The following KIAA0825 variants were observed in gnomAD, a reference collection of about 807,000 sequenced individuals.
KIAA0825 encodes KIAA0825.
Under a neutral mutation model 147.6 loss-of-function variants are expected in KIAA0825, and 119 were observed. That is an observed-to-expected ratio of 0.81 (90% confidence interval 0.69 to 0.94). The LOEUF (loss-of-function observed/expected upper bound fraction) is 0.94, where lower values mean the gene tolerates loss of function less well. Among genes scored for constraint, KIAA0825 ranks in the 40% least tolerant of loss-of-function variants. The probability of loss-of-function intolerance (pLI) is 0.00; values close to 1 mark genes in which losing one functional copy is unlikely to be tolerated. For missense variants in KIAA0825, 1,381 were observed against 1,472.7 expected, an observed-to-expected ratio of 0.94 and a Z score of 1.02; for synonymous variants, 470 against 518.1, an observed-to-expected ratio of 0.91 and a Z score of 1.26.
At chr5:94,452,513 A>C (rs1562510852) in intron 13 of KIAA0825, among the ~76,000 whole-genome samples, 3 of 152,214 alleles carry the variant, frequency 2.0e-5, no homozygotes, top group Non-Finnish European at 2.9e-5. Flanking sequence ...CATACTTTAA[A>C]TGATTTTTCT....
chr5:94,434,744 T>C (rs1426792129), intron 14 of KIAA0825, among the ~76,000 whole-genome samples: 1 of 152,170 alleles, frequency 6.6e-6, no homozygotes. Context: ...TACAGGGAAG[T>C]GGGCTAAACT....
intron 20 of KIAA0825, among the ~76,000 whole-genome samples, chr5:94,284,422 A>G (rs1265246351): frequency 6.6e-6 from 1 of 152,110 alleles, no homozygotes; most frequent in Non-Finnish European, 1.5e-5. Flanking sequence ...CTGCCACCAA[A>G]CAGCAGTCCT....
At chr5:94,404,904 G>A (rs993774911) in intron 15 of KIAA0825, among the ~76,000 whole-genome samples, 2 of 152,138 alleles carry the variant, frequency 1.3e-5, no homozygotes, top group Non-Finnish European at 2.9e-5. Context: ...GGGAGAGGGT[G>A]ACAAGGGCTG....
At chr5:94,387,463 G>A (rs984414927) in intron 18 of KIAA0825, among the ~76,000 whole-genome samples, 7 of 152,150 alleles carry the variant, frequency 4.6e-5, no homozygotes, top group African/African-American at 1.7e-4. Context: ...GGAGACCGAG[G>A]TGGGCAGATC....
At chr5:94,227,989 C>T (rs886713359) in intron 20 of KIAA0825, among the ~76,000 whole-genome samples, 1 of 151,860 alleles carries the variant, frequency 6.6e-6, no homozygotes, top group Admixed American at 6.6e-5. Context: ...TTAAGTTTTT[C>T]AACATTTAGA....
At chr5:94,324,242 A>G (rs544339905) in intron 20 of KIAA0825, among the ~76,000 whole-genome samples, 6 of 152,130 alleles carry the variant, frequency 3.9e-5, no homozygotes, top group South Asian at 2.1e-4. Flanking sequence ...GAAAACTCCT[A>G]ATGCATTTCA....
chr5:94,209,084 G>A (rs141729600), intron 20 of KIAA0825, among the ~76,000 whole-genome samples: 120 of 152,296 alleles, frequency 7.9e-4, no homozygotes, highest in African/African-American at 2.9e-3. Flanking sequence ...TGTGGGGCTT[G>A]GAAAGGAATT....
chr5:94,435,946 T>A (rs1038861188), intron 14 of KIAA0825, among the ~76,000 whole-genome samples: 1 of 152,238 alleles, frequency 6.6e-6, no homozygotes, highest in African/African-American at 2.4e-5. Flanking sequence ...TCTGTTCATG[T>A]CCTTTGCCCA....
At position 94,471,527 on chromosome 5, in the gene KIAA0825, C is replaced by T. The variant is rs2150990330; in HGVS notation, c.1660G>A (p.Ala554Thr). ...LKNLHTYLST[A>T]VYVFQHFKRY... ...TTGAAATGCTGGAAGACATACACCGCTGTGGAGAGGTATGTGTGCAAGTTT... is the reference window on the plus strand; with the variant it reads ...TTGAAATGCTGGAAGACATACACCGTTGTGGAGAGGTATGTGTGCAAGTTT... Residue 554 changes from alanine (A) to threonine (T), a missense_variant, in exon 9 of 21, where the codon GCG becomes ACG. Ala to Thr is a moderately conservative substitution (Grantham distance 58). Coordinates refer to ENST00000682413, the MANE Select transcript of KIAA0825 (RefSeq NM_001145678.3). 2 of 1,552,064 alleles carry T rather than the reference C, an allele frequency of 1.3e-6. No homozygotes were observed. Among genetic ancestry groups the T allele is most frequent in the Non-Finnish European group, 1.7e-6 (2 of 1,147,076 alleles).
In KIAA0825 at chr5:94,465,039, C is replaced by A; in HGVS notation, c.1893G>T (p.Ser631=). 3 of 1,551,286 alleles carry A rather than the reference C, an allele frequency of 1.9e-6. No individual in the cohort carries two copies. The highest frequency in any genetic ancestry group is 2.6e-6 in the Non-Finnish European group (3 of 1,146,814). ...AGCAGAAATAATGCCACATCTGGAT[C>A]GAGAAGGAACATCTTTCCCCCTGGC... The part of the protein sequence containing the change: ...AFYEGERCSF[S]IQMWHYFCWS... The change falls in exon 11 of 21, where the codon TCG becomes TCT. Residue 631 remains serine, a synonymous_variant. Coordinates refer to ENST00000682413, the MANE Select transcript of KIAA0825 (RefSeq NM_001145678.3).
intron 14 of KIAA0825, among the ~76,000 whole-genome samples, chr5:94,423,989 T>C (rs1754523949): frequency 6.6e-6 from 1 of 152,166 alleles, no homozygotes; most frequent in African/African-American, 2.4e-5. Flanking sequence ...TAATAATATA[T>C]GTAAATATAA....
chr5:94,416,945 A>C, intron 15 of KIAA0825: 1 of 317,966 alleles, frequency 3.1e-6, no homozygotes, highest in Non-Finnish European at 5.9e-6. Context: ...TTATGATAGA[A>C]CATTCCCTAA....
chr5:94,393,621 C>A (rs569994628), intron 17 of KIAA0825, among the ~76,000 whole-genome samples: 3 of 152,270 alleles, frequency 2.0e-5, no homozygotes, highest in Non-Finnish European at 4.4e-5. Flanking sequence ...TGGATCTTAA[C>A]AGAAGAACCA....
At chr5:94,521,588 C>A (rs1768216262) in intron 4 of KIAA0825, among the ~76,000 whole-genome samples, 1 of 151,396 alleles carries the variant, frequency 6.6e-6, no homozygotes, top group African/African-American at 2.4e-5. Flanking sequence ...AGAAATAACC[C>A]AAAATGAGAA....
chr5:94,254,101 C>T (rs1206480230), intron 20 of KIAA0825, among the ~76,000 whole-genome samples: 3 of 152,154 alleles, frequency 2.0e-5, no homozygotes, highest in Non-Finnish European at 4.4e-5. Context: ...CTGCTGAGGA[C>T]TACAGGCCTA....
At chr5:94,277,888 A>T (rs1182955875) in intron 20 of KIAA0825, among the ~76,000 whole-genome samples, 3 of 152,226 alleles carry the variant, frequency 2.0e-5, no homozygotes, top group Non-Finnish European at 4.4e-5. Flanking sequence ...GATAGACTGG[A>T]TTAAGAAAAT....
intron 13 of KIAA0825, among the ~76,000 whole-genome samples, chr5:94,447,993 T>C (rs1757945115): frequency 6.6e-6 from 1 of 152,048 alleles, no homozygotes; most frequent in South Asian, 2.1e-4. Context: ...CTGAAAATGC[T>C]TTTTTAAACC....
At chr5:94,255,403 G>A (rs1383222667) in intron 20 of KIAA0825, among the ~76,000 whole-genome samples, 1 of 151,864 alleles carries the variant, frequency 6.6e-6, no homozygotes, top group Non-Finnish European at 1.5e-5. Context: ...AAATGCTTTC[G>A]ATGAGGAAAA....
intron 6 of KIAA0825, among the ~76,000 whole-genome samples, chr5:94,479,922 T>G (rs943797128): frequency 6.6e-6 from 1 of 152,168 alleles, no homozygotes; most frequent in East Asian, 1.9e-4. Context: ...TATGAATTTT[T>G]AAATTGGGTT....
Sources: gnomAD v4.1 joint callset for allele counts (sites outside exome capture counted in the v4.1 genomes callset) on GRCh38, gnomAD v4.1.1 for gene constraint, MANE v1.5 for transcripts, NCBI Gene and HGNC (gene_info 2026-07-23, HGNC 2026-07-21) for gene names.